Variants in ALMS1 observed in about 807,000 individuals in gnomAD.
ALMS1 encodes ALMS1 centrosome and basal body associated protein.
Under a neutral mutation model 352.2 loss-of-function variants are expected in ALMS1, and 271 were observed. The ratio of observed to expected loss-of-function variants is 0.77; its 90% CI spans 0.70 to 0.85. The LOEUF is 0.85. ALMS1 is among the 40% of genes least tolerant of loss of function. The pLI is 0.00. For missense variants in ALMS1, 5,445 were observed against 4,870.7 expected, an observed-to-expected ratio of 1.12 and a Z score of -3.51; for synonymous variants, 1,865 against 1,761.2, an observed-to-expected ratio of 1.06 and a Z score of -1.48.
At position 73,600,827 on chromosome 2, in the gene ALMS1, A is replaced by T; in HGVS notation, c.11818A>T (p.Thr3940Ser). 6.2e-7 allele frequency: 1 copy of T among 1,614,228 alleles called. No homozygotes were observed. ...EEKREEKMLF[T>S]GYPEDRKLKK... ...AAAACGTGAAGAGAAAATGCTCTTT[A>T]CCGGTTATCCTGAGGACAGAAAGTT... The change falls in exon 18 of 23, where the codon ACC (threonine) becomes TCC (serine). Residue 3940 changes from threonine (T) to serine (S), a missense_variant. By Grantham distance (58) the Thr-to-Ser change is moderately conservative. Transcript: ENST00000613296.
chr2:73,403,968 C>T (rs1294099678), intron 1 of ALMS1, among the ~76,000 whole-genome samples: 1 of 152,168 alleles, frequency 6.6e-6, no homozygotes, highest in East Asian at 1.9e-4. Context: ...GGCTCGATCC[C>T]TGCTCACTGC....
At chr2:73,414,363 G>A (rs1671138151) in intron 2 of ALMS1, among the ~76,000 whole-genome samples, 1 of 121,420 alleles carries the variant, frequency 8.2e-6, no homozygotes, top group South Asian at 3.2e-4. Flanking sequence ...TCACTTACTA[G>A]TTTTAGTAGC....
rs1216345277 is a variant in ALMS1, at chr2:73,570,507, G to A, written c.10385-1755G>A. ...AGAGGGAATTGGGGTAGGGAGAGAGGTAAAGGAGAGGAAAATAGGTTCCTC... is the reference window on the plus strand; with the variant it reads ...AGAGGGAATTGGGGTAGGGAGAGAGATAAAGGAGAGGAAAATAGGTTCCTC... On this transcript the variant is annotated intron_variant, in intron 15 of 22. Coordinates refer to ENST00000613296, the MANE Select transcript of ALMS1 (RefSeq NM_001378454.1). 9.2e-5 allele frequency among the ~76,000 whole-genome samples: 14 copies of A among 152,200 alleles called. No homozygotes were observed. In the South Asian group the frequency reaches 2.9e-3, roughly 32 times the overall value.
In ALMS1 at chr2:73,451,114, G is replaced by A. The variant is rs768094497; in HGVS notation, c.4587G>A (p.Lys1529=). Reference sequence around the variant, plus strand: ...CTTCCTACTCACAACATAGAGCAAAGTCTGGCAGTTTCTACCAACTGGCAT... The same window carrying A: ...CTTCCTACTCACAACATAGAGCAAAATCTGGCAGTTTCTACCAACTGGCAT... ...TSPSYSQHRA[K]SGSFYQLALL... is the part of the protein sequence containing the mutation. The change falls in exon 8 of 23, where the codon AAG becomes AAA. Residue 1529 remains lysine (K), a synonymous_variant. Coordinates refer to ENST00000613296, the MANE Select transcript of ALMS1 (RefSeq NM_001378454.1). 1 of 1,613,768 alleles carries A rather than the reference G, an allele frequency of 6.2e-7. No homozygotes were observed. The highest frequency in any genetic ancestry group is 8.5e-7 in the Non-Finnish European group (1 of 1,179,930).
intron 9 of ALMS1, among the ~76,000 whole-genome samples, chr2:73,472,636 GC>G (rs1158736668): frequency 6.6e-6 from 1 of 152,134 alleles, no homozygotes; most frequent in East Asian, 1.9e-4. Context: ...GGGAGCTGTA[GC>G]GCTGCAGAAA....
Position 73,603,399 on chromosome 2 carries a change from C to G in ALMS1, c.12362+95C>G, listed in dbSNP as rs555473352. On this transcript the variant is annotated intron_variant, in intron 21 of 22. Coordinates refer to ENST00000613296, the MANE Select transcript of ALMS1 (RefSeq NM_001378454.1). Reference sequence around the variant, plus strand: ...TTGCACCCAGAATAAATGTATTATACTCAAGTTTAAACATTATGAGAAAGT... The same window carrying G: ...TTGCACCCAGAATAAATGTATTATAGTCAAGTTTAAACATTATGAGAAAGT... 3.0e-5 allele frequency: 33 copies of G among 1,107,648 alleles called. No homozygotes were observed. The Admixed American group carries it at 5.9e-4, about 20-fold the overall frequency. 68.6% of individuals were successfully genotyped at this position (1,107,648 alleles called of 1,614,324 possible). A position where few individuals can be genotyped will look rare whatever the true frequency, so the allele number is the denominator to read the frequency against.
In ALMS1 at chr2:73,451,577, TTACCTGA is replaced by T. The variant is rs1671941012; in HGVS notation, c.5051_5057del (p.Leu1684Ter). ...CCAGCAGACCCTATCAGACAGTCAT[TTACCTGA>T]AGAAGCTCTGAAAGTTCCACCTGTT... On this transcript the variant is annotated frameshift_variant, in exon 8 of 23. Transcript: ENST00000613296. LOFTEE classifies it high-confidence loss of function. The T allele has an allele frequency of 6.2e-7, 1 of 1,613,504 alleles. No homozygotes were observed. The highest frequency in any genetic ancestry group is 8.5e-7 in the Non-Finnish European group (1 of 1,179,846).
chr2:73,577,408 A>T (rs545474190), intron 16 of ALMS1, among the ~76,000 whole-genome samples: 65 of 151,084 alleles, frequency 4.3e-4, no homozygotes, highest in African/African-American at 1.3e-3. Context: ...CTTTTTTTTT[A>T]AAGTCTGTTT....
At chr2:73,593,059 A>G (rs1675464855) in intron 16 of ALMS1, among the ~76,000 whole-genome samples, 1 of 151,462 alleles carries the variant, frequency 6.6e-6, no homozygotes, top group Non-Finnish European at 1.5e-5. Context: ...GCTCCATTGC[A>G]GAGGACTCAG....
At position 73,531,724 on chromosome 2, in the gene ALMS1, G is replaced by A. The variant is rs891817924; in HGVS notation, c.9782-3100G>A. ...AGACTGGTAATTTATAAGTAAAAGA[G>A]GTTTAATTGACTAACAGTTCCACAT... On this transcript the variant is annotated intron_variant, in intron 11 of 22. Coordinates refer to ENST00000613296, the MANE Select transcript of ALMS1 (RefSeq NM_001378454.1). 3.9e-5 allele frequency among the ~76,000 whole-genome samples: 6 copies of A among 152,234 alleles called. No individual in the cohort carries two copies. The South Asian group carries it at 6.2e-4, about 16-fold the overall frequency.
At chr2:73,565,213 C>T (rs775499282) in intron 15 of ALMS1, among the ~76,000 whole-genome samples, 7 of 152,092 alleles carry the variant, frequency 4.6e-5, no homozygotes, top group Non-Finnish European at 8.8e-5. Flanking sequence ...ATGCCTGATT[C>T]TCAGACTGGG....
intron 9 of ALMS1, among the ~76,000 whole-genome samples, chr2:73,476,308 C>T (rs1247321815): frequency 6.6e-6 from 1 of 152,078 alleles, no homozygotes; most frequent in East Asian, 1.9e-4. Context: ...TTGATAGACA[C>T]TTGAGTTGCT....
chr2:73,534,329 G>A (rs1573000603), intron 11 of ALMS1, among the ~76,000 whole-genome samples: 1 of 152,202 alleles, frequency 6.6e-6, no homozygotes, highest in Middle Eastern at 3.4e-3. Flanking sequence ...CTGTCACATA[G>A]ATGAGAATTA....
chr2:73,478,614 T>A (rs2103858905), intron 9 of ALMS1, among the ~76,000 whole-genome samples: 1 of 102,986 alleles, frequency 9.7e-6, no homozygotes, highest in East Asian at 4.5e-4. Flanking sequence ...TCTATTTTTA[T>A]CAGCTAATGA....
rs773354113 is a variant in ALMS1 at position 73,453,888 on chromosome 2, CAAGTAT to C, written c.7364_7369del (p.Ser2455_Ile2456del). On this transcript the variant is annotated inframe_deletion, in exon 8 of 23. Transcript: ENST00000613296. ...TTCTTTCCATATGTTTCACCCAAGA[CAAGTAT>C]AACAGATAGCAGGGAGGAAGAGGGT... 6.2e-7 allele frequency: 1 copy of C among 1,614,030 alleles called. No individual in the cohort carries two copies. The highest frequency in any genetic ancestry group is 8.5e-7 in the Non-Finnish European group (1 of 1,179,988).
rs1226174527 is a variant in ALMS1 at position 73,408,612 on chromosome 2, T to G, written c.325-10T>G. 1 of 1,612,272 alleles carries G rather than the reference T, an allele frequency of 6.2e-7. No homozygotes were observed. Among genetic ancestry groups the G allele is most frequent in the South Asian group, 1.1e-5 (1 of 91,014 alleles). ...TTATTACTCTATTTAAGCCTGCTTT[T>G]GATTTTCAGATTGTTCCATTGACCT... On this transcript the variant is annotated splice_polypyrimidine_tract_variant and intron_variant, in intron 1 of 22. Transcript: ENST00000613296.
intron 1 of ALMS1, among the ~76,000 whole-genome samples, chr2:73,395,004 G>A (rs966999849): frequency 7.2e-6 from 1 of 138,578 alleles, no homozygotes; most frequent in Non-Finnish European, 1.5e-5. Flanking sequence ...ATATATATGT[G>A]TATATATATG....
At chr2:73,574,811 A>G (rs573431248) in intron 16 of ALMS1, among the ~76,000 whole-genome samples, 11 of 152,154 alleles carry the variant, frequency 7.2e-5, no homozygotes, top group South Asian at 2.1e-4. Context: ...CAAGTATACA[A>G]TTCTGTGGCA....
intron 7 of ALMS1, among the ~76,000 whole-genome samples, chr2:73,439,683 G>A (rs1468967122): frequency 2.0e-5 from 3 of 151,944 alleles, no homozygotes; most frequent in African/African-American, 7.3e-5. Context: ...TGGGACTATA[G>A]GTGCACACCA....
Sources: allele counts gnomAD v4.1 joint callset (sites outside exome capture counted in the v4.1 genomes callset), GRCh38; gene constraint gnomAD v4.1.1; transcripts MANE v1.5; gene names NCBI Gene and HGNC (gene_info 2026-07-23, HGNC 2026-07-21).